EXOC4: variants seen among roughly 807,000 people sequenced by gnomAD.
EXOC4 encodes exocyst complex component 4.
A neutral mutation model predicts 107.2 loss-of-function variants in EXOC4; 71 were observed. That is an observed-to-expected ratio of 0.66 (90% CI 0.55 to 0.81). The LOEUF (loss-of-function observed/expected upper bound fraction) is 0.81. EXOC4 is among the 30% of genes least tolerant of loss of function. The pLI is 0.00. For synonymous variants in EXOC4, 456 were observed against 441.2 expected, an observed-to-expected ratio of 1.03 and a Z score of -0.42; for missense variants, 1,108 against 1,189.6, an observed-to-expected ratio of 0.93 and a Z score of 1.01.
At chr7:133,852,185 T>G (rs1161528843) in intron 11 of EXOC4, among the ~76,000 whole-genome samples, 1 of 152,028 alleles carries the variant, frequency 6.6e-6, no homozygotes, top group Non-Finnish European at 1.5e-5. Flanking sequence ...AATAAATAAA[T>G]TTTTTATTCA....
chr7:133,263,374 C>CTTTTTTTTTTTTTTT (rs920302686), intron 1 of EXOC4, among the ~76,000 whole-genome samples: 1 of 83,976 alleles, frequency 1.2e-5, no homozygotes, highest in Non-Finnish European at 2.2e-5. Flanking sequence ...AAAAAGCATT[C>CTTTTTTTTTTTTTTT]TTTTTTTTTT....
intron 12 of EXOC4, among the ~76,000 whole-genome samples, chr7:133,914,401 AG>A (rs1006540326): frequency 6.6e-6 from 1 of 152,122 alleles, no homozygotes; most frequent in African/African-American, 2.4e-5. Context: ...CCAGGCAGGG[AG>A]GGAGCTTTAT....
At chr7:133,498,350 C>A (rs1799517522) in intron 9 of EXOC4, among the ~76,000 whole-genome samples, 1 of 152,172 alleles carries the variant, frequency 6.6e-6, no homozygotes, top group Non-Finnish European at 1.5e-5. Flanking sequence ...CTTTGGGAGG[C>A]TGAGATGGGT....
intron 17 of EXOC4, among the ~76,000 whole-genome samples, chr7:134,029,446 G>C (rs1021220970): frequency 4.6e-5 from 7 of 152,188 alleles, no homozygotes; most frequent in Admixed American, 2.0e-4. Context: ...AGCGGGGAAG[G>C]GGATGAGCAC....
intron 11 of EXOC4, among the ~76,000 whole-genome samples, chr7:133,851,890 A>G (rs1429920189): frequency 6.6e-6 from 1 of 152,132 alleles, no homozygotes; most frequent in Non-Finnish European, 1.5e-5. Flanking sequence ...ATCATACTAC[A>G]TTATACTGCT....
intron 9 of EXOC4, among the ~76,000 whole-genome samples, chr7:133,523,464 T>A (rs1297683635): frequency 6.6e-6 from 1 of 151,994 alleles, no homozygotes; most frequent in Non-Finnish European, 1.5e-5. Context: ...AATTATACTT[T>A]AAGTTTTAGG....
intron 17 of EXOC4, among the ~76,000 whole-genome samples, chr7:134,059,026 A>G (rs1169822102): frequency 6.6e-6 from 1 of 152,222 alleles, no homozygotes; most frequent in Admixed American, 6.5e-5. Flanking sequence ...TTTAAAACAC[A>G]GTTTCCATTC....
chr7:133,582,782 C>T (rs890293185), intron 9 of EXOC4, among the ~76,000 whole-genome samples: 19 of 151,992 alleles, frequency 1.3e-4, no homozygotes, highest in Non-Finnish European at 2.4e-4. Context: ...CCAGAATTTC[C>T]CTGTTTCTCA....
rs117668980 is a variant in EXOC4 at position 133,367,184 on chromosome 7, G to A, written c.1008-7644G>A. Among the ~76,000 whole-genome samples the A allele has an allele frequency of 1.9e-3, 293 of 152,274 alleles. 1 individual carries two copies. Among genetic ancestry groups the A allele is most frequent in the Non-Finnish European group, 3.0e-3 (207 of 68,026 alleles). On this transcript the variant is annotated intron_variant, in intron 6 of 17. Coordinates refer to ENST00000253861, the MANE Select transcript of EXOC4 (RefSeq NM_021807.4). ...ATCTGGCTAAGGGATATGTGTGTGA[G>A]TTGATAGCAGGTAGATAATTGAAGA...
chr7:133,645,495 C>T (rs1316759533), intron 10 of EXOC4, among the ~76,000 whole-genome samples: 1 of 151,950 alleles, frequency 6.6e-6, no homozygotes, highest in African/African-American at 2.4e-5. Context: ...TTTGTTCTCC[C>T]TCATAAAGAA....
chr7:133,934,495 C>A (rs1409263213), intron 13 of EXOC4, among the ~76,000 whole-genome samples: 1 of 152,148 alleles, frequency 6.6e-6, no homozygotes, highest in African/African-American at 2.4e-5. Context: ...TCCCAGTGAG[C>A]CAGAGGGAAA....
intron 10 of EXOC4, among the ~76,000 whole-genome samples, chr7:133,761,920 T>G (rs182324148): frequency 6.6e-6 from 1 of 152,324 alleles, no homozygotes; most frequent in East Asian, 1.9e-4. Context: ...GAGACTTCAC[T>G]GAAGTGACTT....
At chr7:133,494,979 T>TA (rs1370794587) in intron 9 of EXOC4, among the ~76,000 whole-genome samples, 3 of 152,178 alleles carry the variant, frequency 2.0e-5, no homozygotes, top group African/African-American at 7.2e-5. Context: ...TACATTATAT[T>TA]AAAAAAATTG....
At chr7:133,907,594 T>A (rs1277215662) in intron 12 of EXOC4, among the ~76,000 whole-genome samples, 1 of 152,088 alleles carries the variant, frequency 6.6e-6, no homozygotes, top group Non-Finnish European at 1.5e-5. Context: ...TCTCAGCACT[T>A]TGGGTGGCCT....
the EXOC4 span, among the ~76,000 whole-genome samples, chr7:134,092,922 C>CAAAAA: frequency 2.5e-5 from 2 of 80,472 alleles, no homozygotes; most frequent in African/African-American, 4.6e-5. Flanking sequence ...GACTCCATCT[C>CAAAAA]AAAAAAAAAA....
intron 7 of EXOC4, among the ~76,000 whole-genome samples, chr7:133,434,409 C>G (rs766951790): frequency 4.6e-5 from 7 of 152,088 alleles, no homozygotes; most frequent in African/African-American, 9.7e-5. Flanking sequence ...CAGAATTTCC[C>G]TTTTTTGCCC....
At chr7:133,727,231 C>A (rs1226496498) in intron 10 of EXOC4, 2 of 152,400 alleles carry the variant, frequency 1.3e-5, no homozygotes, top group Non-Finnish European at 2.9e-5. Context: ...TAAGAATATT[C>A]CCTGCCTACC....
rs566864339 is a variant in EXOC4, at chr7:133,325,579, C to T, written c.763+8189C>T. Among the ~76,000 whole-genome samples, 35 of 152,170 alleles carry T rather than the reference C, an allele frequency of 2.3e-4. 1 individual carries two copies. The highest frequency in any genetic ancestry group is 3.9e-4 in the Admixed American group (6 of 15,274). ...CTTGTAGAGTTTCTGCCGAGAGATC[C>T]GCTGTTAGTCTGATGGGCTTCCCTT... On this transcript the variant is annotated intron_variant, in intron 5 of 17. Transcript: ENST00000253861.
At chr7:133,614,514 A>T (rs1237701126) in intron 9 of EXOC4, among the ~76,000 whole-genome samples, 1 of 152,068 alleles carries the variant, frequency 6.6e-6, no homozygotes, top group African/African-American at 2.4e-5. Context: ...GAATGTCTCT[A>T]ATCAGGGAAT....
Sources: gnomAD v4.1 joint callset for allele counts (sites outside exome capture counted in the v4.1 genomes callset) on GRCh38, gnomAD v4.1.1 for gene constraint, MANE v1.5 for transcripts, NCBI Gene and HGNC (gene_info 2026-07-23, HGNC 2026-07-21) for gene names.